The following RANBP3L variants were observed in gnomAD, a reference collection of about 807,000 sequenced individuals.
RANBP3L encodes the protein RAN binding protein 3 like.
RANBP3L carries 56 observed loss-of-function variants against 67.2 expected under a neutral mutation model. The ratio of observed to expected loss-of-function variants is 0.83; its 90% CI spans 0.67 to 1.04. The LOEUF (loss-of-function observed/expected upper bound fraction) is 1.04. RANBP3L is among the 50% of genes least tolerant of loss of function. The pLI, the probability that RANBP3L is intolerant of heterozygous loss-of-function variation, is 0.00. For missense variants in RANBP3L, 496 were observed against 535.5 expected (o/e 0.93, Z 0.73); for synonymous variants, 164 against 181.4 (o/e 0.90, Z 0.77).
intron 1 of RANBP3L, among the ~76,000 whole-genome samples, chr5:36,271,617 G>A (rs1026834616): frequency 6.6e-5 from 10 of 152,096 alleles, no homozygotes; most frequent in Non-Finnish European, 1.2e-4. Context: ...AATCTCATCA[G>A]AGCATAGCGA....
intron 1 of RANBP3L, among the ~76,000 whole-genome samples, chr5:36,279,707 A>C (rs716636): frequency 0.95 from 145,060 of 152,168 alleles, 69,441 homozygotes; most frequent in Non-Finnish European, 0.99. Flanking sequence ...GGGTAGGAAC[A>C]CTTATCCCTT....
intron 1 of RANBP3L, among the ~76,000 whole-genome samples, chr5:36,277,424 A>C (rs1976373): frequency 0.28 from 20,191 of 72,900 alleles, 1,903 homozygotes; most frequent in Admixed American, 0.36. Context: ...CTCTCTCTCT[A>C]TATATATATA....
intron 2 of RANBP3L, among the ~76,000 whole-genome samples, chr5:36,270,929 T>C (rs1354996015): frequency 6.6e-6 from 1 of 152,240 alleles, no homozygotes; most frequent in Non-Finnish European, 1.5e-5. Flanking sequence ...AGTTTTAGGC[T>C]AGGTCAGTGG....
intron 1 of RANBP3L, 38 bp from the exon 2 acceptor site, chr5:36,271,349 T>C (rs370537260): frequency 6.3e-6 from 8 of 1,268,224 alleles, no homozygotes; most frequent in African/African-American, 1.5e-5. Context: ...AATCAAAGCA[T>C]ACTCTGACAT....
In RANBP3L at chr5:36,262,004, T is replaced by A. The variant is rs776963502; in HGVS notation, c.519A>T (p.Leu173Phe). ...EGNSYLLSENLSRARISVQLS... is the reference protein window; with the variant it reads ...EGNSYLLSENFSRARISVQLS... ...GCTGGACTGAAATTCTAGCCCTTGA[T>A]AAATTTTCACTTAACAAATAGGAAT... The change falls in exon 7 of 14, where the codon TTA becomes TTT. Residue 173 changes from leucine to phenylalanine, a missense_variant. Coordinates refer to ENST00000296604, the MANE Select transcript of RANBP3L (RefSeq NM_145000.5). 1 of 1,605,992 alleles carries A rather than the reference T, an allele frequency of 6.2e-7. No individual in the cohort carries two copies. Among genetic ancestry groups the A allele is most frequent in the African/African-American group, 1.3e-5 (1 of 74,690 alleles).
Position 36,247,740 on chromosome 5 carries a change from C to A in RANBP3L, c.*1914G>T, listed in dbSNP as rs550197351. Among the ~76,000 whole-genome samples the A allele has an allele frequency of 2.0e-3, 305 of 152,210 alleles. No individual in the cohort carries two copies. Among genetic ancestry groups the A allele is most frequent in the African/African-American group, 7.1e-3 (294 of 41,512 alleles). On this transcript the variant is annotated 3_prime_UTR_variant, in exon 14 of 14. Coordinates refer to ENST00000296604, the MANE Select transcript of RANBP3L (RefSeq NM_145000.5). ...CTCTACTAAAAATACAAAAATTAGC[C>A]AGGTATGATGGCGGGCGCCTGTAAT...
At chr5:36,263,118 A>G (rs1333592028) in intron 6 of RANBP3L, among the ~76,000 whole-genome samples, 3 of 152,304 alleles carry the variant, frequency 2.0e-5, no homozygotes, top group Admixed American at 1.3e-4. Flanking sequence ...ATAGGATCTT[A>G]TATACAGTGT....
chr5:36,266,784 T>G (rs901099537), intron 4 of RANBP3L, among the ~76,000 whole-genome samples: 3 of 151,714 alleles, frequency 2.0e-5, no homozygotes, highest in Non-Finnish European at 2.9e-5. Flanking sequence ...TGAGATTGAG[T>G]CTCTCTCTGT....
intron 1 of RANBP3L, among the ~76,000 whole-genome samples, chr5:36,289,864 C>G (rs1027405334): frequency 1.3e-5 from 2 of 149,012 alleles, no homozygotes; most frequent in Non-Finnish European, 2.9e-5. Flanking sequence ...AATATGTAAG[C>G]CTTTTATTTC....
chr5:36,267,518 A>AAAAG (rs1221476934), intron 4 of RANBP3L, among the ~76,000 whole-genome samples: 7 of 148,524 alleles, frequency 4.7e-5, no homozygotes, highest in East Asian at 2.0e-4. Context: ...AAAAAAAAAA[A>AAAAG]AAAGAAAGAA....
In RANBP3L at chr5:36,248,652, A is replaced by G. The variant is rs1748412680; in HGVS notation, c.*1002T>C. On this transcript the variant is annotated 3_prime_UTR_variant, in exon 14 of 14. Coordinates refer to ENST00000296604, the MANE Select transcript of RANBP3L (RefSeq NM_145000.5). ...TGAATTTTTATCCCCTAATCAGATA[A>G]TTGCTTAGGGGTCACAATCAAAGTC... is the stretch of plus-strand genomic sequence containing the variant. 1 of 152,160 alleles carries G rather than the reference A, an allele frequency of 6.6e-6. No homozygotes were observed. Among genetic ancestry groups the G allele is most frequent in the Non-Finnish European group, 1.5e-5 (1 of 68,006 alleles). The allele number at this position is 152,160 out of a possible 1,614,324, so 9.4% of individuals were successfully genotyped here. A position where few individuals can be genotyped will look rare whatever the true frequency, so the allele number is the denominator to read the frequency against.
chr5:36,289,053 C>T (rs969419965), intron 1 of RANBP3L, among the ~76,000 whole-genome samples: 3 of 151,906 alleles, frequency 2.0e-5, no homozygotes, highest in South Asian at 2.1e-4. Context: ...CTTTGTATAT[C>T]TAACTTTTGT....
At chr5:36,276,494 GA>G (rs35238785) in intron 1 of RANBP3L, among the ~76,000 whole-genome samples, 70,953 of 151,868 alleles carry the variant, frequency 0.47, 17,524 homozygotes, top group Non-Finnish European at 0.55. Flanking sequence ...ATGTATAGGG[GA>G]AAAAAAATTC....
At chr5:36,285,192 G>A (rs1403137920) in intron 1 of RANBP3L, among the ~76,000 whole-genome samples, 1 of 152,192 alleles carries the variant, frequency 6.6e-6, no homozygotes. Context: ...CTGTGGTATG[G>A]TCTAGGGTAT....
chr5:36,258,821 G>C (rs1350243098), intron 8 of RANBP3L, among the ~76,000 whole-genome samples: 1 of 152,168 alleles, frequency 6.6e-6, no homozygotes, highest in Non-Finnish European at 1.5e-5. Context: ...CACTTAGGTG[G>C]TTTTCAAACC....
intron 1 of RANBP3L, among the ~76,000 whole-genome samples, chr5:36,295,390 G>A (rs147061435): frequency 1.6e-4 from 25 of 152,084 alleles, no homozygotes; most frequent in African/African-American, 5.3e-4. Context: ...GTCTTTGCTC[G>A]TCACTTCTCC....
At chr5:36,277,664 A>T (rs917995241) in intron 1 of RANBP3L, among the ~76,000 whole-genome samples, 6 of 152,062 alleles carry the variant, frequency 3.9e-5, no homozygotes, top group Non-Finnish European at 1.5e-5. Context: ...AAACATAAAC[A>T]TGTAGCAATA....
chr5:36,267,877 TA>T (rs1172191703), intron 4 of RANBP3L, among the ~76,000 whole-genome samples: 1 of 152,220 alleles, frequency 6.6e-6, no homozygotes, highest in Non-Finnish European at 1.5e-5. Context: ...ATAAACTATG[TA>T]GATGGACAAT....
chr5:36,252,683 A>G (rs1748679807), intron 12 of RANBP3L, among the ~76,000 whole-genome samples: 2 of 152,130 alleles, frequency 1.3e-5, no homozygotes, highest in Non-Finnish European at 2.9e-5. Context: ...AGTCATGTTT[A>G]ACAGGCTCAG....
Sources: allele counts gnomAD v4.1 joint callset (sites outside exome capture counted in the v4.1 genomes callset), GRCh38; gene constraint gnomAD v4.1.1; transcripts MANE v1.5; gene names NCBI Gene and HGNC (gene_info 2026-07-23, HGNC 2026-07-21).